LOXHD1: variants seen among roughly 807,000 people sequenced by gnomAD.
LOXHD1 encodes the protein lipoxygenase homology PLAT domains 1.
In LOXHD1, 205 loss-of-function variants were observed where a neutral mutation model predicts 248.2. The ratio of observed to expected loss-of-function variants is 0.83; its 90% CI spans 0.74 to 0.93. The LOEUF is 0.93. Ranked by LOEUF, LOXHD1 falls within the 40% of genes least tolerant of loss-of-function variation. The pLI is 0.00. For missense variants in LOXHD1, 2,930 were observed against 2,971.6 expected (o/e 0.99, Z 0.33); for synonymous variants, 1,113 against 1,162.8 (o/e 0.96, Z 0.87).
At chr18:46,630,546 G>A (rs528864543) in intron 4 of LOXHD1, among the ~76,000 whole-genome samples, 4 of 152,270 alleles carry the variant, frequency 2.6e-5, no homozygotes, top group East Asian at 1.9e-4. Context: ...GAGAGCACAC[G>A]CCATCTTATC....
At chr18:46,503,755 G>A (rs1213153876) in intron 37 of LOXHD1, among the ~76,000 whole-genome samples, 1 of 152,200 alleles carries the variant, frequency 6.6e-6, no homozygotes, top group African/African-American at 2.4e-5. Context: ...CCCTTCCACT[G>A]CATGCTTTTC....
chr18:46,564,117 TGC>T (rs1391369447), intron 17 of LOXHD1, among the ~76,000 whole-genome samples: 2 of 150,922 alleles, frequency 1.3e-5, no homozygotes, highest in Admixed American at 6.6e-5. Context: ...TGTGTGTGTG[TGC>T]ACGCACACAC....
intron 21 of LOXHD1, 81 bp downstream of exon 21, chr18:46,557,275 T>G: frequency 6.6e-7 from 1 of 1,506,344 alleles, no homozygotes. Context: ...CCACCCCCAG[T>G]CTTCTTCCAG....
chr18:46,654,870 T>C (rs2039159818), intron 1 of LOXHD1, among the ~76,000 whole-genome samples: 1 of 152,228 alleles, frequency 6.6e-6, no homozygotes. Context: ...CCACCTCCAC[T>C]TGCTCTTCTC....
At chr18:46,564,853 G>A (rs1385784615) in intron 17 of LOXHD1, among the ~76,000 whole-genome samples, 4 of 152,184 alleles carry the variant, frequency 2.6e-5, no homozygotes, top group Non-Finnish European at 4.4e-5. Context: ...ACACACACAC[G>A]AAAAGATATT....
chr18:46,652,815 A>G (rs2039128660), intron 1 of LOXHD1, among the ~76,000 whole-genome samples: 1 of 152,382 alleles, frequency 6.6e-6, no homozygotes, highest in African/African-American at 2.4e-5. Context: ...CTAAGTAGAC[A>G]GTGGTGTATG....
At chr18:46,545,087 T>C (rs912969869) in intron 23 of LOXHD1, among the ~76,000 whole-genome samples, 1 of 152,184 alleles carries the variant, frequency 6.6e-6, no homozygotes, top group African/African-American at 2.4e-5. Context: ...CAGATTGTTA[T>C]TGGGTGGAGT....
At chr18:46,592,944 C>G (rs1423984675) in intron 10 of LOXHD1, among the ~76,000 whole-genome samples, 1 of 152,196 alleles carries the variant, frequency 6.6e-6, no homozygotes, top group East Asian at 1.9e-4. Flanking sequence ...CCCCAGGACT[C>G]TACTGGGCAG....
Position 46,560,508 on chromosome 18 carries a change from C to T in LOXHD1, c.2636G>A (p.Arg879Gln), listed in dbSNP as rs1036336850. Residue 879 changes from arginine (R) to glutamine (Q), a missense_variant, in exon 19 of 41, where the codon CGG becomes CAG. Transcript: ENST00000642948. Reference sequence around the variant, plus strand: ...AAAGCCCTCGCCCGTGTGCCCGAGCCGGAGCTTATAGACCTCGCCCACGTC... The same window carrying T: ...AAAGCCCTCGCCCGTGTGCCCGAGCTGGAGCTTATAGACCTCGCCCACGTC... Reference protein sequence around the residue: ...AADVGEVYKLRLGHTGEGFGP... With the variant: ...AADVGEVYKLQLGHTGEGFGP... 5.9e-6 allele frequency: 9 copies of T among 1,536,864 alleles called. No homozygotes were observed. Among genetic ancestry groups the T allele is most frequent in the Admixed American group, 2.0e-5 (1 of 50,956 alleles).
At chr18:46,597,536 G>T (rs1453288462) in intron 8 of LOXHD1, among the ~76,000 whole-genome samples, 1 of 110,776 alleles carries the variant, frequency 9.0e-6, no homozygotes, top group East Asian at 2.4e-4. Flanking sequence ...TTCAATAGTG[G>T]TACATGCGCA....
chr18:46,643,936 A>G (rs757306556), intron 2 of LOXHD1, among the ~76,000 whole-genome samples: 1 of 152,364 alleles, frequency 6.6e-6, no homozygotes, highest in South Asian at 2.1e-4. Flanking sequence ...CAGAATAATC[A>G]ATACAAACAG....
At chr18:46,572,234 G>C (rs972288265) in intron 14 of LOXHD1, 72 bp from the exon 15 acceptor site, 8 of 1,338,962 alleles carry the variant, frequency 6.0e-6, no homozygotes, top group Non-Finnish European at 4.2e-6. Context: ...ACCCATTCAT[G>C]CAGAGTCACT....
chr18:46,485,144 C>T lies in LOXHD1; in HGVS notation c.6057G>A (p.Glu2019=), dbSNP rs1192453516. ...CTCCGTTGCCCGTTTCTATGACGAT[C>T]TCGTAGGCTGTAATGGAGGAGGTGG... ...ICDELEETTY[E]IVIETGNGGE... Residue 2019 remains glutamate, a synonymous_variant, in exon 39 of 41, where the codon GAG becomes GAA. Transcript: ENST00000642948. The T allele has an allele frequency of 2.6e-6, 4 of 1,549,526 alleles. No homozygotes were observed. In the African/African-American group the frequency reaches 4.2e-5, roughly 16 times the overall value.
intron 37 of LOXHD1, among the ~76,000 whole-genome samples, chr18:46,503,814 C>T (rs1414682211): frequency 1.3e-5 from 2 of 152,088 alleles, no homozygotes; most frequent in South Asian, 4.1e-4. Flanking sequence ...GTGTAGCAAA[C>T]AGAGATAAAG....
intron 23 of LOXHD1, among the ~76,000 whole-genome samples, chr18:46,543,485 G>A (rs575370028): frequency 4.6e-5 from 7 of 152,020 alleles, no homozygotes; most frequent in African/African-American, 1.4e-4. Flanking sequence ...TTTTACATAC[G>A]TATACATGTG....
chr18:46,648,568 T>C (rs2039063508), intron 2 of LOXHD1, among the ~76,000 whole-genome samples: 1 of 152,204 alleles, frequency 6.6e-6, no homozygotes, highest in Non-Finnish European at 1.5e-5. Context: ...GCATGTATGT[T>C]GGTGTATGCG....
intron 34 of LOXHD1, among the ~76,000 whole-genome samples, chr18:46,517,187 G>A (rs1038907731): frequency 6.6e-6 from 1 of 152,186 alleles, no homozygotes; most frequent in Non-Finnish European, 1.5e-5. Flanking sequence ...GGCCAGGGAT[G>A]TTTGGGGGAC....
At chr18:46,628,993 G>A (rs1031220155) in intron 4 of LOXHD1, among the ~76,000 whole-genome samples, 2 of 152,174 alleles carry the variant, frequency 1.3e-5, no homozygotes, top group Non-Finnish European at 2.9e-5. Flanking sequence ...CTTGAAGATG[G>A]GAAGTATGGG....
chr18:46,531,816 T>G (rs2036084969), intron 28 of LOXHD1, among the ~76,000 whole-genome samples: 1 of 152,154 alleles, frequency 6.6e-6, no homozygotes. Flanking sequence ...GGGACAGCAT[T>G]CCAGGGCATC....
Sources: allele counts gnomAD v4.1 joint callset (sites outside exome capture counted in the v4.1 genomes callset), GRCh38; gene constraint gnomAD v4.1.1; transcripts MANE v1.5; gene names NCBI Gene and HGNC (gene_info 2026-07-23, HGNC 2026-07-21).